The following NRXN3 variants were observed in gnomAD, a reference collection of about 807,000 sequenced individuals.
NRXN3 encodes the protein neurexin 3, also known as neurexin III.
Under a neutral mutation model 137.6 loss-of-function variants are expected in NRXN3, and 32 were observed. That is an observed-to-expected ratio of 0.23 (90% CI 0.18 to 0.31). The LOEUF is 0.31. NRXN3 is among the 10% of genes least tolerant of loss of function. The probability of loss-of-function intolerance (pLI) is 1.00; values close to 1 mark genes in which losing one functional copy is unlikely to be tolerated. For missense variants in NRXN3, 1,574 were observed against 2,062.5 expected, an observed-to-expected ratio of 0.76 and a Z score of 4.59; for synonymous variants, 798 against 784.5, an observed-to-expected ratio of 1.02 and a Z score of -0.29.
At chr14:79,541,440 C>A (rs866838798) in intron 16 of NRXN3, among the ~76,000 whole-genome samples, 8 of 152,290 alleles carry the variant, frequency 5.3e-5, no homozygotes, top group Middle Eastern at 3.4e-3. Context: ...TCAGAGCCCA[C>A]CTAGATAATC....
chr14:78,854,887 T>C (rs771716465), intron 10 of NRXN3, among the ~76,000 whole-genome samples: 42 of 152,186 alleles, frequency 2.8e-4, no homozygotes, highest in Middle Eastern at 6.9e-3. Flanking sequence ...CAGGGAATAT[T>C]GTCACTGAGG....
rs558580403 is a variant in NRXN3, at chr14:78,313,078, C to G, written c.757+15218C>G. On this transcript the variant is annotated intron_variant, in intron 4 of 20. Transcript: ENST00000335750. ...CCAGTGGTAGTGTGAAGGTCACCGC[C>G]TAGGCAAGGTTAGAGTAATTTGTGG... Among the ~76,000 whole-genome samples the G allele has an allele frequency of 2.0e-5, 3 of 152,274 alleles. No homozygotes were observed. The East Asian group carries it at 5.8e-4, about 29-fold the overall frequency.
At position 79,500,698 on chromosome 14, in the gene NRXN3, T is replaced by C. The variant is rs546387195; in HGVS notation, c.3444+33296T>C. ...GCATAATTGGGCTATTTCCCTGTCA[T>C]ACTGGTTTGCTTCTAAATCTGCCTC... On this transcript the variant is annotated intron_variant, in intron 16 of 20. Coordinates refer to ENST00000335750, the MANE Select transcript of NRXN3 (RefSeq NM_001330195.2). Among the ~76,000 whole-genome samples, 7 of 152,330 alleles carry C rather than the reference T, an allele frequency of 4.6e-5. No individual in the cohort carries two copies. In the East Asian group the frequency reaches 1.4e-3, roughly 29 times the overall value.
chr14:79,100,014 G>T (rs10139445), intron 15 of NRXN3, among the ~76,000 whole-genome samples: 2 of 152,174 alleles, frequency 1.3e-5, no homozygotes, highest in African/African-American at 4.8e-5. Flanking sequence ...TGTTTAAGTT[G>T]ATGAATGAAA....
intron 17 of NRXN3, among the ~76,000 whole-genome samples, chr14:79,674,931 C>T (rs919601974): frequency 6.6e-6 from 1 of 152,050 alleles, no homozygotes; most frequent in Non-Finnish European, 1.5e-5. Context: ...GAGGGTATTA[C>T]AACCTATCCT....
chr14:79,090,755 G>A (rs909271850), intron 15 of NRXN3, among the ~76,000 whole-genome samples: 1 of 152,080 alleles, frequency 6.6e-6, no homozygotes, highest in Admixed American at 6.6e-5. Flanking sequence ...CATAGTAGGG[G>A]CTCAGTGATA....
At chr14:79,859,399 T>C (rs1241332085) in intron 20 of NRXN3, among the ~76,000 whole-genome samples, 1 of 152,196 alleles carries the variant, frequency 6.6e-6, no homozygotes, top group Non-Finnish European at 1.5e-5. Context: ...AGCCCTTCTC[T>C]TAGCACACCT....
At chr14:79,121,916 G>T (rs1291926977) in intron 15 of NRXN3, among the ~76,000 whole-genome samples, 2 of 152,322 alleles carry the variant, frequency 1.3e-5, no homozygotes, top group Non-Finnish European at 2.9e-5. Flanking sequence ...CTACCTGTGT[G>T]TATATGTACA....
intron 15 of NRXN3, among the ~76,000 whole-genome samples, chr14:79,120,222 A>T (rs1170363814): frequency 6.6e-6 from 1 of 152,168 alleles, no homozygotes; most frequent in Non-Finnish European, 1.5e-5. Context: ...CAATAAAAAA[A>T]AATTTAGATT....
At chr14:79,692,599 C>T (rs1301396758) in intron 18 of NRXN3, among the ~76,000 whole-genome samples, 1 of 152,022 alleles carries the variant, frequency 6.6e-6, no homozygotes, top group Non-Finnish European at 1.5e-5. Flanking sequence ...TTACCTTTTA[C>T]ACCAAAGCTT....
chr14:79,613,500 A>C (rs1406348102), intron 16 of NRXN3, among the ~76,000 whole-genome samples: 1 of 152,230 alleles, frequency 6.6e-6, no homozygotes, highest in Non-Finnish European at 1.5e-5. Flanking sequence ...TGTTTAGCCA[A>C]ACCACTTCTT....
intron 1 of NRXN3, among the ~76,000 whole-genome samples, chr14:78,217,931 G>A (rs544252600): frequency 2.0e-5 from 3 of 152,314 alleles, no homozygotes; most frequent in African/African-American, 7.2e-5. Flanking sequence ...AAAGTGCTGG[G>A]ATTACAGGCA....
chr14:78,596,660 G>A (rs1438585478), intron 4 of NRXN3, among the ~76,000 whole-genome samples: 4 of 152,128 alleles, frequency 2.6e-5, no homozygotes, highest in Non-Finnish European at 5.9e-5. Flanking sequence ...AACTGTAAGG[G>A]ACCTCAAGAG....
chr14:79,214,107 T>A (rs2068114398), intron 15 of NRXN3, among the ~76,000 whole-genome samples: 1 of 152,258 alleles, frequency 6.6e-6, no homozygotes, highest in Non-Finnish European at 1.5e-5. Flanking sequence ...TTCAGGAGGC[T>A]CTCAGTTAAA....
chr14:78,284,836 A>T (rs1000802112), intron 3 of NRXN3, among the ~76,000 whole-genome samples: 1 of 152,168 alleles, frequency 6.6e-6, no homozygotes, highest in Non-Finnish European at 1.5e-5. Context: ...GGGCTTAGGA[A>T]CCAGTAAAAA....
intron 16 of NRXN3, among the ~76,000 whole-genome samples, chr14:79,493,260 ATTTCT>A (rs1167553031): frequency 2.0e-5 from 3 of 152,328 alleles, no homozygotes; most frequent in South Asian, 4.1e-4. Context: ...ATTGAGAGAG[ATTTCT>A]TTTCTTCCCC....
chr14:78,685,992 A>G (rs1312199224), intron 6 of NRXN3, among the ~76,000 whole-genome samples: 1 of 151,854 alleles, frequency 6.6e-6, no homozygotes, highest in African/African-American at 2.4e-5. Flanking sequence ...CTGTACAAAT[A>G]AAAACAAGAA....
intron 10 of NRXN3, among the ~76,000 whole-genome samples, chr14:78,876,712 AC>A (rs1474990398): frequency 6.6e-6 from 1 of 152,168 alleles, no homozygotes. Context: ...ATCCCACCTA[AC>A]TTATTTATAA....
chr14:79,784,679 G>A (rs967325238), intron 19 of NRXN3, among the ~76,000 whole-genome samples: 1 of 146,072 alleles, frequency 6.8e-6, no homozygotes, highest in African/African-American at 2.5e-5. Context: ...TGGTCCAAAT[G>A]GTGTTTAAAG....
Sources: allele counts gnomAD v4.1 joint callset (sites outside exome capture counted in the v4.1 genomes callset), GRCh38; gene constraint gnomAD v4.1.1; transcripts MANE v1.5; gene names NCBI Gene and HGNC (gene_info 2026-07-23, HGNC 2026-07-21).